SNX13: variants seen among roughly 807,000 people sequenced by gnomAD.
SNX13 encodes sorting nexin-13.
SNX13 carries 45 observed loss-of-function variants against 133.6 expected under a neutral mutation model. That is an observed-to-expected ratio of 0.34 (90% CI 0.27 to 0.43). SNX13 has a LOEUF of 0.43. Among genes scored for constraint, SNX13 ranks in the 20% least tolerant of loss-of-function variants. SNX13 has a pLI of 1.00. For synonymous variants in SNX13, 414 were observed against 373.9 expected (o/e 1.11, Z -1.24); for missense variants, 1,032 against 1,145.1 (o/e 0.90, Z 1.43).
At chr7:17,913,516 C>T (rs1468571567) in intron 1 of SNX13, among the ~76,000 whole-genome samples, 1 of 152,110 alleles carries the variant, frequency 6.6e-6, no homozygotes, top group Non-Finnish European at 1.5e-5. Flanking sequence ...TAAGTGCCAC[C>T]TACTGGACTG....
intron 5 of SNX13, among the ~76,000 whole-genome samples, chr7:17,884,849 C>T (rs1215497151): frequency 6.6e-6 from 1 of 152,094 alleles, no homozygotes; most frequent in African/African-American, 2.4e-5. Context: ...AAGATGGTAA[C>T]AAAAAGACAG....
intron 5 of SNX13, among the ~76,000 whole-genome samples, chr7:17,887,014 T>G (rs1415190570): frequency 6.6e-6 from 1 of 150,874 alleles, no homozygotes. Flanking sequence ...AAAGAATCTG[T>G]GTACACAACC....
intron 5 of SNX13, among the ~76,000 whole-genome samples, chr7:17,876,537 A>G (rs1794742585): frequency 6.9e-6 from 1 of 144,726 alleles, no homozygotes; most frequent in Admixed American, 7.2e-5. Context: ...CTGTGACCAC[A>G]CCACTGCATT....
chr7:17,868,422 C>A lies in SNX13; in HGVS notation c.822G>T (p.Gln274His). ...AGGCACCTACCATCCATATGACATA[C>A]TGATTAATATAATCAGGATCACTGA... ...NQLSDPDYIN[Q>H]YVIWMIRDSN... The change falls in exon 9 of 26, where the codon CAG (glutamine) becomes CAT (histidine). Residue 274 changes from glutamine (Q) to histidine (H), a missense_variant. Physicochemically the swap from Gln to His is conservative, Grantham distance 24. Coordinates refer to ENST00000428135, the MANE Select transcript of SNX13 (RefSeq NM_015132.5). The A allele has an allele frequency of 6.2e-7, 1 of 1,605,946 alleles. No homozygotes were observed. Among genetic ancestry groups the A allele is most frequent in the Non-Finnish European group, 8.5e-7 (1 of 1,175,734 alleles).
At chr7:17,879,581 G>A (rs1395063684) in intron 5 of SNX13, 2 of 152,222 alleles carry the variant, frequency 1.3e-5, no homozygotes, top group Admixed American at 6.5e-5. Flanking sequence ...GTACTGAGAA[G>A]CTCTTTTTGT....
At chr7:17,874,165 G>GC (rs1229000603) in intron 7 of SNX13, among the ~76,000 whole-genome samples, 1 of 152,124 alleles carries the variant, frequency 6.6e-6, no homozygotes, top group Non-Finnish European at 1.5e-5. Context: ...CTTGAACAAA[G>GC]AGTCTGAACT....
At chr7:17,820,031 G>A (rs1478018241) in intron 18 of SNX13, among the ~76,000 whole-genome samples, 1 of 152,100 alleles carries the variant, frequency 6.6e-6, no homozygotes, top group Non-Finnish European at 1.5e-5. Context: ...ACTGAAAAGG[G>A]AAATTTCTGT....
chr7:17,924,483 T>C (rs1800499984), intron 1 of SNX13, among the ~76,000 whole-genome samples: 1 of 152,164 alleles, frequency 6.6e-6, no homozygotes, highest in South Asian at 2.1e-4. Flanking sequence ...CTGGAGGATA[T>C]GGAGAAAACA....
In SNX13 at chr7:17,821,597, T is replaced by C. The variant is rs751681369; in HGVS notation, c.1757A>G (p.His586Arg). The change falls in exon 18 of 26, where the codon CAC becomes CGC. Residue 586 changes from histidine to arginine, a missense_variant. Physicochemically the swap from His to Arg is conservative, Grantham distance 29. Transcript: ENST00000428135. ...CTCCTCACTGTTTAGGTTGCGCCGG[T>C]GTACAGTGATGGCATATAATGCATA... ...KTYALYAITV[H>R]RRNLNSEEMW... 1 of 1,613,674 alleles carries C rather than the reference T, an allele frequency of 6.2e-7. No individual in the cohort carries two copies. Among genetic ancestry groups the C allele is most frequent in the Middle Eastern group, 1.7e-4 (1 of 6,058 alleles).
At chr7:17,911,939 T>G (rs1440640198) in intron 1 of SNX13, among the ~76,000 whole-genome samples, 1 of 152,154 alleles carries the variant, frequency 6.6e-6, no homozygotes, top group Admixed American at 6.6e-5. Flanking sequence ...CTCAAGAGTA[T>G]CACATAGTCT....
chr7:17,901,072 T>C (rs1320909176), intron 1 of SNX13, among the ~76,000 whole-genome samples: 1 of 152,070 alleles, frequency 6.6e-6, no homozygotes, highest in Non-Finnish European at 1.5e-5. Context: ...TTCAAAGCAG[T>C]AGGTTCCCTT....
chr7:17,931,488 C>G (rs1319338717), intron 1 of SNX13, among the ~76,000 whole-genome samples: 1 of 152,196 alleles, frequency 6.6e-6, no homozygotes, highest in Non-Finnish European at 1.5e-5. Flanking sequence ...TTCTCCACAA[C>G]TCTAGCTCGA....
chr7:17,825,901 A>C, intron 17 of SNX13, 121 bp downstream of exon 17: 1 of 621,742 alleles, frequency 1.6e-6, no homozygotes, highest in Non-Finnish European at 2.7e-6. Flanking sequence ...TGCAGAAAAA[A>C]AGTAACAAAA....
intron 5 of SNX13, chr7:17,890,032 C>T (rs4291154): frequency 0.37 from 64,478 of 174,880 alleles, 14,179 homozygotes; most frequent in African/African-American, 0.62. Flanking sequence ...TCACATAAAA[C>T]AGAGGGTCTA....
At chr7:17,834,268 C>A (rs1317004969) in intron 14 of SNX13, 84 bp from the exon 15 acceptor site, 2 of 1,224,922 alleles carry the variant, frequency 1.6e-6, no homozygotes, top group East Asian at 2.6e-5. Flanking sequence ...AAAAGACACA[C>A]TGAGGTCTTG....
chr7:17,863,376 C>T (rs1466790465), intron 9 of SNX13, among the ~76,000 whole-genome samples: 1 of 152,154 alleles, frequency 6.6e-6, no homozygotes, highest in East Asian at 1.9e-4. Context: ...TGTGTCATCC[C>T]TCCACCACTT....
At chr7:17,843,653 G>C (rs1323089357) in intron 12 of SNX13, among the ~76,000 whole-genome samples, 1 of 151,986 alleles carries the variant, frequency 6.6e-6, no homozygotes, top group Non-Finnish European at 1.5e-5. Context: ...TTTCTGAACA[G>C]ACCATACAGT....
At chr7:17,835,436 G>GA in intron 13 of SNX13, among the ~76,000 whole-genome samples, 3 of 151,232 alleles carry the variant, frequency 2.0e-5, no homozygotes, top group East Asian at 1.9e-4. Flanking sequence ...GTGATATGGG[G>GA]AAAAAAAAGT....
chr7:17,829,976 G>A, intron 16 of SNX13, 34 bp downstream of exon 16: 1 of 1,439,826 alleles, frequency 6.9e-7, no homozygotes. Flanking sequence ...TTATTTTCAA[G>A]TCACTTTAAT....
Sources: allele counts gnomAD v4.1 joint callset (sites outside exome capture counted in the v4.1 genomes callset), GRCh38; gene constraint gnomAD v4.1.1; transcripts MANE v1.5; gene names NCBI Gene and HGNC (gene_info 2026-07-23, HGNC 2026-07-21).